CYSTM1: variants seen among roughly 807,000 people sequenced by gnomAD.
CYSTM1 encodes cysteine rich transmembrane module containing 1.
A neutral mutation model predicts 13.1 loss-of-function variants in CYSTM1; 4 were observed. The ratio of observed to expected loss-of-function variants is 0.31; its 90% CI spans 0.15 to 0.70. The LOEUF is 0.70. Among genes scored for constraint, CYSTM1 ranks in the 30% least tolerant of loss-of-function variants. The probability of loss-of-function intolerance (pLI) is 0.72; values close to 1 mark genes in which losing one functional copy is unlikely to be tolerated. For missense variants in CYSTM1, 96 were observed against 121.6 expected (o/e 0.79, Z 0.99); for synonymous variants, 36 against 42.7 (o/e 0.84, Z 0.62).
At chr5:140,220,685 A>G (rs539957902) in intron 2 of CYSTM1, among the ~76,000 whole-genome samples, 1 of 152,182 alleles carries the variant, frequency 6.6e-6, no homozygotes, top group South Asian at 2.1e-4. Context: ...AGACTGAGCT[A>G]AGTGTCAGCA....
chr5:140,194,895 G>C (rs1764137247), intron 2 of CYSTM1, among the ~76,000 whole-genome samples: 1 of 152,184 alleles, frequency 6.6e-6, no homozygotes, highest in African/African-American at 2.4e-5. Flanking sequence ...CGTGTTTTCT[G>C]AGGGCTACCC....
intron 1 of CYSTM1, among the ~76,000 whole-genome samples, chr5:140,184,484 G>A (rs1451331854): frequency 3.3e-5 from 5 of 151,274 alleles, no homozygotes; most frequent in African/African-American, 1.2e-4. Flanking sequence ...GTGTTTTTAT[G>A]TATTTATTTG....
At chr5:140,193,441 C>G (rs1764115892) in intron 1 of CYSTM1, among the ~76,000 whole-genome samples, 1 of 152,158 alleles carries the variant, frequency 6.6e-6, no homozygotes, top group Non-Finnish European at 1.5e-5. Context: ...TGCCACCATG[C>G]CCGGCTAATT....
intron 1 of CYSTM1, among the ~76,000 whole-genome samples, chr5:140,189,761 TTGG>T (rs1465450164): frequency 1.3e-5 from 2 of 152,208 alleles, no homozygotes; most frequent in African/African-American, 4.8e-5. Context: ...TAAAAGTCTT[TTGG>T]TGGACTTACA....
chr5:140,240,728 A>C (rs1764737672), intron 2 of CYSTM1, among the ~76,000 whole-genome samples: 1 of 151,900 alleles, frequency 6.6e-6, no homozygotes, highest in East Asian at 1.9e-4. Context: ...GCAGTTGTAA[A>C]ATTTCTGGGC....
intron 2 of CYSTM1, among the ~76,000 whole-genome samples, chr5:140,203,810 C>G (rs1340098493): frequency 1.3e-5 from 2 of 152,164 alleles, no homozygotes; most frequent in Non-Finnish European, 2.9e-5. Context: ...GAAGAGTCCT[C>G]ACATGATCAT....
chr5:140,243,105 T>C (rs149361412), intron 2 of CYSTM1, among the ~76,000 whole-genome samples, 200 bp from the exon 3 acceptor site: 253 of 152,332 alleles, frequency 1.7e-3, no homozygotes, highest in Admixed American at 3.1e-3. Context: ...GTCCTGAGTC[T>C]GGAGTGGCAG....
At chr5:140,192,553 CT>C (rs1764106274) in intron 1 of CYSTM1, among the ~76,000 whole-genome samples, 1 of 152,198 alleles carries the variant, frequency 6.6e-6, no homozygotes, top group Admixed American at 6.5e-5. Context: ...GAATGGCCCA[CT>C]TAATCTTAAA....
chr5:140,217,062 G>GA lies in CYSTM1; in HGVS notation c.187+22419dup, dbSNP rs200906820. On this transcript the variant is annotated intron_variant, in intron 2 of 2. Coordinates refer to ENST00000261811, the MANE Select transcript of CYSTM1 (RefSeq NM_032412.4). ...GATTTTCAATTGCATTTTCCTTAGG[G>GA]AAAAAAAAATCTCCATTAGGCTTTT... 4.8e-3 allele frequency among the ~76,000 whole-genome samples: 727 copies of GA among 151,178 alleles called. 5 individuals carry two copies. Among genetic ancestry groups the GA allele is most frequent in the African/African-American group, 0.017 (706 of 41,234 alleles).
intron 2 of CYSTM1, among the ~76,000 whole-genome samples, chr5:140,225,032 A>AT (rs1764533222): frequency 6.6e-6 from 1 of 152,302 alleles, no homozygotes; most frequent in African/African-American, 2.4e-5. Context: ...AATTTTAAAA[A>AT]TTAGCCAGGT....
In CYSTM1 at chr5:140,239,503, C is replaced by G. The variant is rs754460955; in HGVS notation, c.188-3802C>G. Among the ~76,000 whole-genome samples, 8 of 152,196 alleles carry G rather than the reference C, an allele frequency of 5.3e-5. No individual in the cohort carries two copies. Among genetic ancestry groups the G allele is most frequent in the Admixed American group, 2.0e-4 (3 of 15,276 alleles). On this transcript the variant is annotated intron_variant, in intron 2 of 2. Transcript: ENST00000261811. The surrounding 1 kb of genome is among the most constrained non-coding windows in gnomAD (Gnocchi z 5.4). ...AGACCCCAGGGCTTGTTGGACAGGC[C>G]TGGCATCGTCCATCTATCTTTTCTG...
chr5:140,211,883 G>T (rs1764372100), intron 2 of CYSTM1, among the ~76,000 whole-genome samples: 1 of 152,182 alleles, frequency 6.6e-6, no homozygotes, highest in African/African-American at 2.4e-5. Flanking sequence ...GGAGGCAGAG[G>T]TTGCAGTGAG....
In CYSTM1 at chr5:140,239,931, T is replaced by TA. The variant is rs1764726667; in HGVS notation, c.188-3373dup. Among the ~76,000 whole-genome samples, 2 of 152,096 alleles carry TA rather than the reference T, an allele frequency of 1.3e-5. No homozygotes were observed. On this transcript the variant is annotated intron_variant, in intron 2 of 2. Coordinates refer to ENST00000261811, the MANE Select transcript of CYSTM1 (RefSeq NM_032412.4). The surrounding 1 kb of genome is among the most constrained non-coding windows in gnomAD (Gnocchi z 5.4). ...GAATAGGGTGGTCTGAGACACTAGA[T>TA]AGCGAATGAGGGATGAGCCTTTTGG...
At chr5:140,218,528 G>A (rs541324283) in intron 2 of CYSTM1, among the ~76,000 whole-genome samples, 1 of 152,204 alleles carries the variant, frequency 6.6e-6, no homozygotes, top group Non-Finnish European at 1.5e-5. Context: ...CTATTTTACA[G>A]GTAAGGAAAC....
chr5:140,240,055 G>A (rs1581075659), intron 2 of CYSTM1, among the ~76,000 whole-genome samples: 1 of 152,010 alleles, frequency 6.6e-6, no homozygotes. Context: ...GGGGGCACTT[G>A]ATCTCCAAGA....
chr5:140,184,134 C>T (rs1190422483), intron 1 of CYSTM1, among the ~76,000 whole-genome samples: 1 of 152,162 alleles, frequency 6.6e-6, no homozygotes, highest in East Asian at 1.9e-4. Context: ...ATTAGTGTAA[C>T]TGTGTGATCT....
chr5:140,214,009 C>T (rs922044643), intron 2 of CYSTM1, among the ~76,000 whole-genome samples: 3 of 152,270 alleles, frequency 2.0e-5, no homozygotes, highest in African/African-American at 4.8e-5. Context: ...GAGGAGTCTG[C>T]GGGTAAGATG....
chr5:140,236,313 C>T (rs892707223), intron 2 of CYSTM1, among the ~76,000 whole-genome samples: 1 of 152,174 alleles, frequency 6.6e-6, no homozygotes, highest in African/African-American at 2.4e-5. Flanking sequence ...TGGATGTGCG[C>T]GTCCCTGCAG....
At position 140,231,071 on chromosome 5, in the gene CYSTM1, A is replaced by T. The variant is rs563941665; in HGVS notation, c.188-12234A>T. Among the ~76,000 whole-genome samples, 17 of 152,318 alleles carry T rather than the reference A, an allele frequency of 1.1e-4. No homozygotes were observed. The East Asian group carries it at 3.1e-3, about 28-fold the overall frequency. On this transcript the variant is annotated intron_variant, in intron 2 of 2. Coordinates refer to ENST00000261811, the MANE Select transcript of CYSTM1 (RefSeq NM_032412.4). ...TTGGTGAAAGAGTTGACATATTTAC[A>T]ATATTGTCTTCCCACCATGAACAAG...
Sources: gnomAD v4.1 joint callset for allele counts (sites outside exome capture counted in the v4.1 genomes callset) on GRCh38, gnomAD v4.1.1 for gene constraint, Gnocchi (gnomAD v3.1) non-coding constraint, MANE v1.5 for transcripts, NCBI Gene and HGNC (gene_info 2026-07-23, HGNC 2026-07-21) for gene names.